FSTL5: variants seen among roughly 807,000 people sequenced by gnomAD.
The protein encoded by FSTL5 is follistatin like 5, also known as follistatin-related protein 5.
In FSTL5, 62 loss-of-function variants were observed where a neutral mutation model predicts 89.1. The observed-to-expected ratio is 0.70, with a 90% CI of 0.57 to 0.86. The LOEUF (loss-of-function observed/expected upper bound fraction) is 0.86. Ranked by LOEUF, FSTL5 falls within the 40% of genes least tolerant of loss-of-function variation. FSTL5 has a pLI of 0.00. For synonymous variants in FSTL5, 383 were observed against 346.2 expected (o/e 1.11, Z -1.18); for missense variants, 1,057 against 1,001.6 (o/e 1.06, Z -0.75).
chr4:161,865,888 AGCTGCTGCATATCTT>A (rs1266132799), intron 4 of FSTL5, among the ~76,000 whole-genome samples: 2 of 152,226 alleles, frequency 1.3e-5, no homozygotes, highest in Non-Finnish European at 2.9e-5. Context: ...TTCTCTTTCC[AGCTGCTGCATATCTT>A]TTTCCTAGCC....
chr4:161,917,045 C>T (rs1733860474), intron 4 of FSTL5, among the ~76,000 whole-genome samples: 1 of 152,102 alleles, frequency 6.6e-6, no homozygotes, highest in African/African-American at 2.4e-5. Context: ...CCTCTGCCTC[C>T]TAGGTTCAAC....
chr4:161,660,804 T>G (rs964201680), intron 6 of FSTL5, among the ~76,000 whole-genome samples: 3 of 152,174 alleles, frequency 2.0e-5, no homozygotes, highest in Non-Finnish European at 4.4e-5. Flanking sequence ...GAACATGATC[T>G]TGTTCTTTTT....
chr4:161,793,906 G>A (rs1161308514), intron 4 of FSTL5, among the ~76,000 whole-genome samples: 1 of 152,104 alleles, frequency 6.6e-6, no homozygotes, highest in African/African-American at 2.4e-5. Flanking sequence ...ACTGTGCCTG[G>A]CCAAGAAACC....
intron 12 of FSTL5, among the ~76,000 whole-genome samples, chr4:161,497,460 T>C (rs1730123354): frequency 6.6e-6 from 1 of 152,094 alleles, no homozygotes; most frequent in Non-Finnish European, 1.5e-5. Flanking sequence ...TTGAGCTGTA[T>C]TTTAATTTCA....
chr4:161,399,022 A>T (rs1485663543), intron 15 of FSTL5, among the ~76,000 whole-genome samples: 1 of 152,148 alleles, frequency 6.6e-6, no homozygotes, highest in Non-Finnish European at 1.5e-5. Context: ...CTAATTTAAG[A>T]TTCAATAAAT....
intron 7 of FSTL5, among the ~76,000 whole-genome samples, chr4:161,589,791 T>A (rs1396307840): frequency 6.6e-6 from 1 of 151,806 alleles, no homozygotes; most frequent in Admixed American, 6.6e-5. Context: ...TTCCTAGGAG[T>A]CTAGAAGGCC....
intron 3 of FSTL5, among the ~76,000 whole-genome samples, chr4:161,943,410 C>T (rs1734645694): frequency 6.6e-6 from 1 of 151,262 alleles, no homozygotes; most frequent in African/African-American, 2.4e-5. Context: ...AATTTGTTTC[C>T]ATTTATTCTG....
At chr4:161,896,697 C>T (rs60060944) in intron 4 of FSTL5, among the ~76,000 whole-genome samples, 5,506 of 152,090 alleles carry the variant, frequency 0.036, 319 homozygotes, top group African/African-American at 0.12. Flanking sequence ...ATAAGGTAAT[C>T]GGACATTTAC....
intron 1 of FSTL5, among the ~76,000 whole-genome samples, chr4:162,111,812 T>G (rs937479629): frequency 6.6e-6 from 1 of 152,158 alleles, no homozygotes; most frequent in African/African-American, 2.4e-5. Flanking sequence ...GAACAAATCT[T>G]AATAGACTTA....
At chr4:161,743,570 C>A (rs914346486) in intron 6 of FSTL5, among the ~76,000 whole-genome samples, 2 of 150,780 alleles carry the variant, frequency 1.3e-5, no homozygotes, top group African/African-American at 4.9e-5. Flanking sequence ...GTTTTTTTTT[C>A]TATTTCTGAA....
chr4:162,120,588 G>A (rs1036765453), intron 1 of FSTL5, among the ~76,000 whole-genome samples: 2 of 152,146 alleles, frequency 1.3e-5, no homozygotes, highest in Non-Finnish European at 2.9e-5. Context: ...TACATTAAGT[G>A]ATTTTTATTA....
At chr4:161,765,798 C>T (rs1169120232) in intron 5 of FSTL5, among the ~76,000 whole-genome samples, 4 of 148,386 alleles carry the variant, frequency 2.7e-5, no homozygotes, top group Non-Finnish European at 5.9e-5. Flanking sequence ...TTCTAATATG[C>T]ATTTTTTTTT....
At chr4:161,434,490 G>C (rs527552753) in intron 15 of FSTL5, among the ~76,000 whole-genome samples, 1 of 151,984 alleles carries the variant, frequency 6.6e-6, no homozygotes, top group African/African-American at 2.4e-5. Flanking sequence ...ATGGAGTTGA[G>C]TTTGGACTAG....
chr4:161,668,691 G>A (rs1431750291), intron 6 of FSTL5, among the ~76,000 whole-genome samples: 1 of 152,100 alleles, frequency 6.6e-6, no homozygotes, highest in African/African-American at 2.4e-5. Context: ...TTTGTCTCAG[G>A]TATGCAAGAA....
intron 8 of FSTL5, 86 bp downstream of exon 8, chr4:161,587,369 G>T: frequency 7.5e-7 from 1 of 1,333,770 alleles, no homozygotes; most frequent in Non-Finnish European, 1.1e-6. Context: ...TTAGTACCTT[G>T]TAAAAACTCA....
chr4:161,445,526 C>G (rs1432929441), intron 15 of FSTL5, among the ~76,000 whole-genome samples: 2 of 151,738 alleles, frequency 1.3e-5, no homozygotes, highest in Admixed American at 6.6e-5. Flanking sequence ...ATTGTTTATT[C>G]TCCTTCTGTA....
At chr4:161,652,815 CA>C (rs530874668) in intron 7 of FSTL5, among the ~76,000 whole-genome samples, 6 of 151,822 alleles carry the variant, frequency 4.0e-5, no homozygotes, top group Non-Finnish European at 7.4e-5. Context: ...TATACATATT[CA>C]AAAGTCAGAA....
chr4:161,453,628 C>T (rs1733247946), intron 15 of FSTL5, among the ~76,000 whole-genome samples: 1 of 152,076 alleles, frequency 6.6e-6, no homozygotes, highest in African/African-American at 2.4e-5. Context: ...CAGGGTCTGG[C>T]TCTGTTGCCG....
chr4:161,451,683 C>A (rs1302474618), intron 15 of FSTL5, among the ~76,000 whole-genome samples: 1 of 152,196 alleles, frequency 6.6e-6, no homozygotes, highest in Non-Finnish European at 1.5e-5. Flanking sequence ...ATTCTTATTA[C>A]TGTAGTTACT....
Sources: allele counts gnomAD v4.1 joint callset (sites outside exome capture counted in the v4.1 genomes callset), GRCh38; gene constraint gnomAD v4.1.1; transcripts MANE v1.5; gene names NCBI Gene and HGNC (gene_info 2026-07-23, HGNC 2026-07-21).